C8A: variants seen among roughly 807,000 people sequenced by gnomAD.
C8A encodes complement C8 alpha chain, also known as complement component C8 alpha chain.
In C8A, 67 loss-of-function variants were observed where a neutral mutation model predicts 65.3. That is an observed-to-expected ratio of 1.03 (90% confidence interval 0.84 to 1.26). C8A has a LOEUF of 1.26. C8A is among the 50% of genes most tolerant of loss of function. The probability of loss-of-function intolerance (pLI) is 0.00; values close to 1 mark genes in which losing one functional copy is unlikely to be tolerated. For synonymous variants in C8A, 290 were observed against 259.4 expected, an observed-to-expected ratio of 1.12 and a Z score of -1.13; for missense variants, 781 against 723.9, an observed-to-expected ratio of 1.08 and a Z score of -0.90.
intron 1 of C8A, among the ~76,000 whole-genome samples, chr1:56,866,866 C>T (rs1332214093): frequency 6.6e-6 from 1 of 152,158 alleles, no homozygotes; most frequent in Non-Finnish European, 1.5e-5. Context: ...TGTCTGTTGG[C>T]TGATTCATAA....
intron 9 of C8A, among the ~76,000 whole-genome samples, chr1:56,911,114 C>A: frequency 7.3e-6 from 1 of 136,984 alleles, no homozygotes; most frequent in Admixed American, 7.6e-5. Flanking sequence ...AAAAATGGTG[C>A]TTTATTTTTT....
rs2093192 is a variant in C8A, at chr1:56,904,969, G to T, written c.1097-1698G>T. Among the ~76,000 whole-genome samples the T allele has an allele frequency of 8.8e-3, 1,345 of 152,300 alleles. 32 individuals are homozygous for T. Among genetic ancestry groups the T allele is most frequent in the Admixed American group, 0.049 (744 of 15,290 alleles). The stretch of plus-strand genomic sequence containing the variant: ...CAGCCTGTCCTGTGGCTTTAATTCA[G>T]CAGCACTCCACCATCCACCTAAGTA... On this transcript the variant is annotated intron_variant, in intron 7 of 10. Coordinates refer to ENST00000361249, the MANE Select transcript of C8A (RefSeq NM_000562.3).
intron 7 of C8A, among the ~76,000 whole-genome samples, chr1:56,896,406 A>G (rs1256572571): frequency 6.6e-6 from 1 of 152,150 alleles, no homozygotes; most frequent in Non-Finnish European, 1.5e-5. Context: ...GAAGGCCAGC[A>G]GGCTTGAGAC....
chr1:56,889,351 A>C (rs1279767002), intron 7 of C8A, among the ~76,000 whole-genome samples: 2 of 152,216 alleles, frequency 1.3e-5, no homozygotes, highest in Non-Finnish European at 2.9e-5. Flanking sequence ...TTTGACAAAC[A>C]GAATCACACA....
chr1:56,908,180 T>C, intron 9 of C8A, 67 bp downstream of exon 9: 1 of 1,497,686 alleles, frequency 6.7e-7, no homozygotes, highest in South Asian at 1.1e-5. Context: ...GACCAGATCA[T>C]TTCATATTTC....
intron 1 of C8A, among the ~76,000 whole-genome samples, chr1:56,866,984 C>A (rs1304293893): frequency 6.6e-6 from 1 of 152,124 alleles, no homozygotes. Flanking sequence ...GGCTACTTAG[C>A]TTTTAGGAAT....
chr1:56,912,664 C>T (rs1644519041), intron 10 of C8A, 39 bp downstream of exon 10: 1 of 1,589,744 alleles, frequency 6.3e-7, no homozygotes, highest in African/African-American at 1.3e-5. Context: ...CAGCCTGTCC[C>T]AGCTCAAAGG....
At position 56,917,668 on chromosome 1, in the gene C8A, T is replaced by C. The variant is rs761690456; in HGVS notation, c.1707T>C (p.Asn569=). The change falls in exon 11 of 11, where the codon AAT becomes AAC. Residue 569 remains asparagine (N), a synonymous_variant. Transcript: ENST00000361249. The part of the protein sequence containing the change: ...RRECDNPAPQ[N]GGASCPGRKV... ...AGTGTGACAATCCAGCACCTCAGAA[T>C]GGAGGGGCCTCGTGTCCAGGGCGGA... 4.3e-6 allele frequency: 7 copies of C among 1,614,142 alleles called. No homozygotes were observed. The South Asian group carries it at 6.6e-5, about 15-fold the overall frequency.
At chr1:56,890,627 C>G (rs760239878) in intron 7 of C8A, among the ~76,000 whole-genome samples, 2 of 152,104 alleles carry the variant, frequency 1.3e-5, no homozygotes, top group Admixed American at 6.6e-5. Flanking sequence ...CTCTTATTCT[C>G]TTTCTTTGTT....
chr1:56,864,704 G>A (rs1239158330), intron 1 of C8A, among the ~76,000 whole-genome samples: 2 of 152,126 alleles, frequency 1.3e-5, no homozygotes, highest in African/African-American at 4.8e-5. Flanking sequence ...TTGATGTAGG[G>A]GGAATATTGT....
At chr1:56,905,249 G>A (rs1160983041) in intron 7 of C8A, among the ~76,000 whole-genome samples, 1 of 152,146 alleles carries the variant, frequency 6.6e-6, no homozygotes, top group Non-Finnish European at 1.5e-5. Context: ...GAGGCACAGA[G>A]GGCTGCAGCT....
Position 56,854,950 on chromosome 1 carries a change from G to C in C8A, c.49G>C (p.Gly17Arg). Residue 17 changes from glycine (G) to arginine (R), a missense_variant, in exon 1 of 11, where the codon GGG (glycine) becomes CGG (arginine). By Grantham distance (125) the Gly-to-Arg change is moderately radical (BLOSUM62 -2). Coordinates refer to ENST00000361249, the MANE Select transcript of C8A (RefSeq NM_000562.3). ...CTTGTCTTTGATGACTTGTCAGCCT[G>C]GGGTAACTGCACAGGAGAAGGTGAA... ...FILSLMTCQP[G>R]VTAQEKVNQR... The C allele has an allele frequency of 6.2e-7, 1 of 1,613,764 alleles. No homozygotes were observed. The highest frequency in any genetic ancestry group is 8.5e-7 in the Non-Finnish European group (1 of 1,179,850).
Position 56,885,993 on chromosome 1 carries a change from A to G in C8A, c.922A>G (p.Ile308Val). The change falls in exon 7 of 11, where the codon ATT becomes GTT. Residue 308 changes from isoleucine (I) to valine (V), a missense_variant. Transcript: ENST00000361249. The stretch of plus-strand genomic sequence containing the variant: ...ACATTTTAAGATGAGGAAGGATGAC[A>G]TTATGCTGGATGAAGGAATGCTGCA... ...TAHFKMRKDD[I>V]MLDEGMLQSL... is the part of the protein sequence containing the mutation. 3.1e-6 allele frequency: 5 copies of G among 1,614,046 alleles called. No homozygotes were observed. In the East Asian group the frequency reaches 6.7e-5, roughly 22 times the overall value.
rs1036310111 is a variant in C8A at position 56,917,871 on chromosome 1, T to C, written c.*155T>C. 6.4e-6 allele frequency: 5 copies of C among 785,836 alleles called. No homozygotes were observed. Among genetic ancestry groups the C allele is most frequent in the Non-Finnish European group, 8.2e-6 (4 of 485,338 alleles). 48.7% of individuals were successfully genotyped at this position (785,836 alleles called of 1,614,324 possible). A position where few individuals can be genotyped will look rare whatever the true frequency, so the allele number is the denominator to read the frequency against. Reference sequence around the variant, plus strand: ...AGGCCTAAGACTAGGTTTTGCTGTCTACAGCCAACTATTCTATTAGTTACA... The same window carrying C: ...AGGCCTAAGACTAGGTTTTGCTGTCCACAGCCAACTATTCTATTAGTTACA... On this transcript the variant is annotated 3_prime_UTR_variant, in exon 11 of 11. Transcript: ENST00000361249.
intron 1 of C8A, among the ~76,000 whole-genome samples, chr1:56,859,481 G>T (rs986975708): frequency 6.6e-6 from 1 of 152,194 alleles, no homozygotes; most frequent in African/African-American, 2.4e-5. Flanking sequence ...GAAGTGGAAA[G>T]GTTTGGCCAG....
chr1:56,917,220 G>A (rs778671783), intron 10 of C8A, among the ~76,000 whole-genome samples: 2 of 152,294 alleles, frequency 1.3e-5, no homozygotes, highest in African/African-American at 2.4e-5. Flanking sequence ...CTACCTGAAG[G>A]CATTTCCCCA....
At chr1:56,882,740 T>C (rs922931397) in intron 5 of C8A, among the ~76,000 whole-genome samples, 2 of 152,154 alleles carry the variant, frequency 1.3e-5, no homozygotes, top group African/African-American at 4.8e-5. Context: ...AAGGAAGGTC[T>C]TGGGGCTCTG....
chr1:56,915,263 G>A (rs565590620), intron 10 of C8A, among the ~76,000 whole-genome samples: 1 of 152,276 alleles, frequency 6.6e-6, no homozygotes, highest in Non-Finnish European at 1.5e-5. Context: ...GCTGAAAGAG[G>A]TAAGCCAAGA....
Position 56,859,893 on chromosome 1 carries a change from C to A in C8A, c.77+4915C>A, listed in dbSNP as rs374189704. 7.0e-4 allele frequency among the ~76,000 whole-genome samples: 106 copies of A among 152,206 alleles called. No individual in the cohort carries two copies. In the East Asian group the frequency reaches 0.016, roughly 22 times the overall value. ...CCTGACCAACATGGTGAAACTCTGT[C>A]TCTACTAAAAATACAAAAAATTAGC... On this transcript the variant is annotated intron_variant, in intron 1 of 10. Transcript: ENST00000361249.
Sources: allele counts gnomAD v4.1 joint callset (sites outside exome capture counted in the v4.1 genomes callset), GRCh38; gene constraint gnomAD v4.1.1; transcripts MANE v1.5; gene names NCBI Gene and HGNC (gene_info 2026-07-23, HGNC 2026-07-21).